The following DNAJC10 variants were observed in gnomAD, a reference collection of about 807,000 sequenced individuals.
DNAJC10 encodes DnaJ heat shock protein family (Hsp40) member C10, also known as endoplasmic reticulum disulfide reductase DNAJC10.
DNAJC10 carries 101 observed loss-of-function variants against 115.0 expected under a neutral mutation model. The ratio of observed to expected loss-of-function variants is 0.88; its 90% CI spans 0.75 to 1.04. The LOEUF is 1.04. Among genes scored for constraint, DNAJC10 ranks in the 50% least tolerant of loss-of-function variants. DNAJC10 has a pLI of 0.00. For synonymous variants in DNAJC10, 307 were observed against 301.5 expected, an observed-to-expected ratio of 1.02 and a Z score of -0.19; for missense variants, 981 against 928.8, an observed-to-expected ratio of 1.06 and a Z score of -0.73.
rs1248889730 is a variant in DNAJC10, at chr2:182,717,980, C to T, written c.-107C>T. On this transcript the variant is annotated 5_prime_UTR_variant, in exon 3 of 24. Transcript: ENST00000264065. Reference sequence around the variant, plus strand: ...GGACAGATTTGTGATGCTTGATTCACCCTTGAAGTAATGTAGACAGAAGTT... The same window carrying T: ...GGACAGATTTGTGATGCTTGATTCATCCTTGAAGTAATGTAGACAGAAGTT... 3 of 703,404 alleles carry T rather than the reference C, an allele frequency of 4.3e-6. No individual in the cohort carries two copies. Among genetic ancestry groups the T allele is most frequent in the Non-Finnish European group, 6.8e-6 (3 of 441,932 alleles). 43.6% of individuals were successfully genotyped at this position (703,404 alleles called of 1,614,324 possible).
chr2:182,722,250 A>G (rs1174572179), intron 5 of DNAJC10, among the ~76,000 whole-genome samples, 175 bp downstream of exon 5: 1 of 152,150 alleles, frequency 6.6e-6, no homozygotes, highest in Admixed American at 6.5e-5. Context: ...ACCATAATAA[A>G]AACATTAATA....
rs1694960999 is a variant in DNAJC10, at chr2:182,787,081, TAAATG to T, written c.*9950_*9954del. 1.3e-5 allele frequency: 2 copies of T among 152,284 alleles called. No homozygotes were observed. Among genetic ancestry groups the T allele is most frequent in the Non-Finnish European group, 2.9e-5 (2 of 68,168 alleles). The allele number at this position is 152,284 out of a possible 1,614,324, so 9.4% of individuals were successfully genotyped here. On this transcript the variant is annotated 3_prime_UTR_variant, in exon 24 of 24. Coordinates refer to ENST00000264065, the MANE Select transcript of DNAJC10 (RefSeq NM_018981.4). ...TCCCAGCCTCCAGAACTATGAGAAATAAATGTGTTTTTTTAAGCCAGCCAGTTCAT... is the reference window on the plus strand; with the variant it reads ...TCCCAGCCTCCAGAACTATGAGAAATTGTTTTTTTAAGCCAGCCAGTTCAT...
intron 4 of DNAJC10, among the ~76,000 whole-genome samples, chr2:182,720,931 A>G (rs916279617): frequency 6.6e-6 from 1 of 152,128 alleles, no homozygotes; most frequent in African/African-American, 2.4e-5. Context: ...TTCGGTTGAC[A>G]TTAAGGTCAA....
chr2:182,780,715 G>T lies in DNAJC10; in HGVS notation c.*3583G>T, dbSNP rs1323084335. The T allele has an allele frequency of 1.3e-5, 2 of 152,108 alleles. No homozygotes were observed. The highest frequency in any genetic ancestry group is 6.6e-5 in the Admixed American group (1 of 15,258). 9.4% of individuals were successfully genotyped at this position (152,108 alleles called of 1,614,324 possible). A position where few individuals can be genotyped will look rare whatever the true frequency, so the allele number is the denominator to read the frequency against. ...ACACTGAATTTACACTTAGATTCTT[G>T]TACTGTCACTGAGTCCCCTTGTAAA... is the stretch of plus-strand genomic sequence containing the variant. On this transcript the variant is annotated 3_prime_UTR_variant, in exon 24 of 24. Transcript: ENST00000264065.
In DNAJC10 at chr2:182,793,251, A is replaced by G. The variant is rs1481008783; in HGVS notation, c.*16119A>G. On this transcript the variant is annotated 3_prime_UTR_variant, in exon 24 of 24. Transcript: ENST00000264065. ...AGCTAGCAGGAGAGAAGATGAAGTT[A>G]GAGGGAGAGAGAAAGTGGGGAGCCA... 1.3e-5 allele frequency: 2 copies of G among 152,246 alleles called. No homozygotes were observed. Among genetic ancestry groups the G allele is most frequent in the East Asian group, 3.9e-4 (2 of 5,182 alleles). The allele number at this position is 152,246 out of a possible 1,614,324, so 9.4% of individuals were successfully genotyped here. A position where few individuals can be genotyped will look rare whatever the true frequency, so the allele number is the denominator to read the frequency against.
chr2:182,769,758 C>A (rs1694511474), intron 22 of DNAJC10, among the ~76,000 whole-genome samples: 1 of 152,064 alleles, frequency 6.6e-6, no homozygotes, highest in South Asian at 2.1e-4. Flanking sequence ...CATTTTCTCC[C>A]ATTCTGTAGG....
intron 22 of DNAJC10, among the ~76,000 whole-genome samples, chr2:182,763,100 G>T (rs1481483155): frequency 6.6e-6 from 1 of 152,054 alleles, no homozygotes; most frequent in African/African-American, 2.4e-5. Context: ...GGAATTCAAG[G>T]TAATTTTCTA....
chr2:182,728,493 A>G, intron 5 of DNAJC10, 83 bp from the exon 6 acceptor site: 1 of 877,444 alleles, frequency 1.1e-6, no homozygotes, highest in African/African-American at 1.7e-5. Context: ...TAAAATTCTG[A>G]TCTCCACAAA....
In DNAJC10 at chr2:182,771,461, C is replaced by A. The variant is rs187613107; in HGVS notation, c.2266-3855C>A. 1.6e-4 allele frequency among the ~76,000 whole-genome samples: 25 copies of A among 152,076 alleles called. No homozygotes were observed. The East Asian group carries it at 4.8e-3, about 29-fold the overall frequency. On this transcript the variant is annotated intron_variant, in intron 22 of 23. Transcript: ENST00000264065. ...AGCTGTGAATCCTTCTGGTCCTGGA[C>A]TTTTTTTGGTTGATAGGCTATTAAT... is the stretch of plus-strand genomic sequence containing the variant.
chr2:182,730,097 C>G (rs751756616), intron 8 of DNAJC10, among the ~76,000 whole-genome samples, 156 bp downstream of exon 8: 23 of 152,076 alleles, frequency 1.5e-4, no homozygotes, highest in Non-Finnish European at 2.9e-4. Flanking sequence ...ACTCTGAACT[C>G]TGCTGAATTT....
In DNAJC10 at chr2:182,728,865, G is replaced by A; in HGVS notation, c.504G>A (p.Trp168Ter). 5 of 1,614,062 alleles carry A rather than the reference G, an allele frequency of 3.1e-6. No homozygotes were observed. Among genetic ancestry groups the A allele is most frequent in the Non-Finnish European group, 4.2e-6 (5 of 1,179,984 alleles). The change falls in exon 7 of 24, where the codon TGG (tryptophan) becomes TGA (stop). Residue 168 changes from tryptophan to a stop codon, truncating the protein, a stop_gained and splice_region_variant. Transcript: ENST00000264065. LOFTEE classifies it high-confidence loss of function. ...CSHCHDLAPT[W>*]RDFAKEVDGL... ...TATGTTTTCTTTTTCTGTCATAGTG[G>A]AGAGACTTTGCTAAAGAAGTGGATG...
rs1201889938 is a variant in DNAJC10, at chr2:182,786,587, G to A, written c.*9455G>A. Reference sequence around the variant, plus strand: ...AAGGTGTGACCTCCTGTTCCCAAAGGAATAGACCTAGGTGACCAACCAGCA... The same window carrying A: ...AAGGTGTGACCTCCTGTTCCCAAAGAAATAGACCTAGGTGACCAACCAGCA... On this transcript the variant is annotated 3_prime_UTR_variant, in exon 24 of 24. Transcript: ENST00000264065. The A allele has an allele frequency of 6.6e-6, 1 of 152,124 alleles. No individual in the cohort carries two copies. Among genetic ancestry groups the A allele is most frequent in the Non-Finnish European group, 1.5e-5 (1 of 68,044 alleles). The allele number at this position is 152,124 out of a possible 1,614,324, so 9.4% of individuals were successfully genotyped here. A position where few individuals can be genotyped will look rare whatever the true frequency, so the allele number is the denominator to read the frequency against.
Position 182,790,208 on chromosome 2 carries a change from T to C in DNAJC10, c.*13076T>C, listed in dbSNP as rs1043711180. On this transcript the variant is annotated 3_prime_UTR_variant, in exon 24 of 24. Coordinates refer to ENST00000264065, the MANE Select transcript of DNAJC10 (RefSeq NM_018981.4). ...TAGTCCTATATTATTCTCTGATTAT[T>C]CCATATGTTATCTTCCAAACTAGAT... 2.6e-5 allele frequency: 4 copies of C among 152,206 alleles called. No homozygotes were observed. Among genetic ancestry groups the C allele is most frequent in the African/African-American group, 9.6e-5 (4 of 41,460 alleles). The allele number at this position is 152,206 out of a possible 1,614,324, so 9.4% of individuals were successfully genotyped here.
At position 182,788,647 on chromosome 2, in the gene DNAJC10, G is replaced by A; in HGVS notation, c.*11515G>A. 1 of 330,886 alleles carries A rather than the reference G, an allele frequency of 3.0e-6. No individual in the cohort carries two copies. The highest frequency in any genetic ancestry group is 5.9e-6 in the Non-Finnish European group (1 of 170,086). 20.5% of individuals were successfully genotyped at this position (330,886 alleles called of 1,614,324 possible). On this transcript the variant is annotated 3_prime_UTR_variant, in exon 24 of 24. Coordinates refer to ENST00000264065, the MANE Select transcript of DNAJC10 (RefSeq NM_018981.4). ...GTCTGTAAGTGATGGTCATATTTGT[G>A]TTCTTTTGTCCCAGAGAACAAAAGG...
At chr2:182,720,256 T>A (rs769769678) in intron 4 of DNAJC10, 87 bp downstream of exon 4, 20 of 1,107,646 alleles carry the variant, frequency 1.8e-5, no homozygotes, top group African/African-American at 3.2e-5. Flanking sequence ...CTTATATATT[T>A]AAGATGCGTC....
Position 182,782,884 on chromosome 2 carries a change from C to G in DNAJC10, c.*5752C>G, listed in dbSNP as rs1024710826. On this transcript the variant is annotated 3_prime_UTR_variant, in exon 24 of 24. Transcript: ENST00000264065. ...GCAAACAGAGATAATTTGACTTCCT[C>G]TCTTCCTGTTTGAATACGCTTTCTT... The G allele has an allele frequency of 6.6e-6, 1 of 152,194 alleles. No homozygotes were observed. The highest frequency in any genetic ancestry group is 1.5e-5 in the Non-Finnish European group (1 of 68,040). 9.4% of individuals were successfully genotyped at this position (152,194 alleles called of 1,614,324 possible).
At chr2:182,766,355 G>GTATGATGTAAAGCGAATATGTA (rs1413362151) in intron 22 of DNAJC10, among the ~76,000 whole-genome samples, 19 of 152,184 alleles carry the variant, frequency 1.2e-4, no homozygotes, top group African/African-American at 4.3e-4. Flanking sequence ...TGTAAAGAGG[G>GTATGATGTAAAGCGAATATGTA]TGATGATGGG....
chr2:182,743,985 A>C (rs1444008221), intron 14 of DNAJC10, among the ~76,000 whole-genome samples: 1 of 152,188 alleles, frequency 6.6e-6, no homozygotes, highest in Non-Finnish European at 1.5e-5. Context: ...GCTTGTTTGC[A>C]AAAGTAAGCA....
chr2:182,790,414 A>C lies in DNAJC10; in HGVS notation c.*13282A>C, dbSNP rs1457886440. On this transcript the variant is annotated 3_prime_UTR_variant, in exon 24 of 24. Transcript: ENST00000264065. ...GTCTTACAGAACTGAACAATACTTAAATGTGTTTAAACCTGCTATATAAAA... is the reference window on the plus strand; with the variant it reads ...GTCTTACAGAACTGAACAATACTTACATGTGTTTAAACCTGCTATATAAAA... 1 of 152,168 alleles carries C rather than the reference A, an allele frequency of 6.6e-6. No individual in the cohort carries two copies. Among genetic ancestry groups the C allele is most frequent in the Non-Finnish European group, 1.5e-5 (1 of 68,024 alleles). 9.4% of individuals were successfully genotyped at this position (152,168 alleles called of 1,614,324 possible). A position where few individuals can be genotyped will look rare whatever the true frequency, so the allele number is the denominator to read the frequency against.
Sources: gnomAD v4.1 joint callset for allele counts (sites outside exome capture counted in the v4.1 genomes callset) on GRCh38, gnomAD v4.1.1 for gene constraint, MANE v1.5 for transcripts, NCBI Gene and HGNC (gene_info 2026-07-23, HGNC 2026-07-21) for gene names.